The following SFMBT1 variants were observed in gnomAD, a reference collection of about 807,000 sequenced individuals.
SFMBT1 encodes Scm like with four mbt domains 1.
SFMBT1 carries 32 observed loss-of-function variants against 108.7 expected under a neutral mutation model. That is an observed-to-expected ratio of 0.29 (90% CI 0.22 to 0.40). The LOEUF (loss-of-function observed/expected upper bound fraction) is 0.40. Among genes scored for constraint, SFMBT1 ranks in the 10% least tolerant of loss-of-function variants. SFMBT1 has a pLI of 1.00. For missense variants in SFMBT1, 816 were observed against 1,059.6 expected (o/e 0.77, Z 3.19); for synonymous variants, 348 against 369.5 (o/e 0.94, Z 0.67).
rs1313812928 is a variant in SFMBT1, at chr3:53,034,348, G to A, written c.-131+11468C>T. Among the ~76,000 whole-genome samples, 11 of 152,006 alleles carry A rather than the reference G, an allele frequency of 7.2e-5. 1 individual carries two copies. Among genetic ancestry groups the A allele is most frequent in the Admixed American group, 1.3e-4 (2 of 15,270 alleles). The stretch of plus-strand genomic sequence containing the variant: ...TCCCAACACTGTGGGAGGCCCAGGC[G>A]GGCAGATCACTTGAGGTCAGGAGTT... On this transcript the variant is annotated intron_variant, in intron 1 of 20. Coordinates refer to ENST00000394752, the MANE Select transcript of SFMBT1 (RefSeq NM_016329.4).
intron 4 of SFMBT1, 87 bp downstream of exon 4, chr3:52,943,266 G>C (rs1426955435): frequency 4.5e-6 from 7 of 1,542,694 alleles, no homozygotes; most frequent in Non-Finnish European, 6.2e-6. Flanking sequence ...CTATATGCTC[G>C]AGAGACTTAA....
At chr3:52,912,730 G>T in intron 15 of SFMBT1, 83 bp from the exon 16 acceptor site, 1 of 1,018,050 alleles carries the variant, frequency 9.8e-7, no homozygotes, top group South Asian at 1.3e-5. Flanking sequence ...TCCTTAAAAT[G>T]TTAAGATTAT....
At chr3:52,928,380 A>G in intron 8 of SFMBT1, 39 bp from the exon 9 acceptor site, 1 of 1,602,026 alleles carries the variant, frequency 6.2e-7, no homozygotes, top group Non-Finnish European at 8.5e-7. Flanking sequence ...ACAAATGCAC[A>G]CATATATATG....
At chr3:52,952,788 C>T (rs1017815747) in intron 3 of SFMBT1, among the ~76,000 whole-genome samples, 9 of 152,122 alleles carry the variant, frequency 5.9e-5, no homozygotes, top group Non-Finnish European at 1.2e-4. Context: ...TTCATACCAA[C>T]GCAATGGGGA....
intron 1 of SFMBT1, among the ~76,000 whole-genome samples, chr3:52,992,097 T>G (rs956963482): frequency 3.3e-5 from 5 of 152,222 alleles, no homozygotes; most frequent in Non-Finnish European, 5.9e-5. Context: ...CTTAACCTGC[T>G]GCAAAGTCCC....
At chr3:53,043,187 C>T (rs546612965) in intron 1 of SFMBT1, 2 of 151,948 alleles carry the variant, frequency 1.3e-5, no homozygotes, top group Admixed American at 6.6e-5. Flanking sequence ...CACAAGACGA[C>T]ATTGGTGAAG....
At chr3:52,913,388 C>A in intron 15 of SFMBT1, 90 bp downstream of exon 15, 1 of 1,468,290 alleles carries the variant, frequency 6.8e-7, no homozygotes, top group South Asian at 1.4e-5. Flanking sequence ...CTAGAACTGT[C>A]ACATCTATGG....
intron 1 of SFMBT1, among the ~76,000 whole-genome samples, chr3:52,991,569 A>C (rs2564936): frequency 0.35 from 53,238 of 151,662 alleles, 10,353 homozygotes; most frequent in East Asian, 0.54. Flanking sequence ...GTCTCGAACT[A>C]CTGACCTCAG....
intron 1 of SFMBT1, among the ~76,000 whole-genome samples, chr3:52,994,492 T>C (rs953978223): frequency 1.3e-4 from 19 of 149,778 alleles, no homozygotes; most frequent in Non-Finnish European, 2.5e-4. Flanking sequence ...ACAGAGAAGT[T>C]AGAGGAACAT....
In SFMBT1 at chr3:52,980,853, T is replaced by C. The variant is rs148205511; in HGVS notation, c.-130-11595A>G. On this transcript the variant is annotated intron_variant, in intron 1 of 20. Transcript: ENST00000394752. ...GATTTGAGAAAAAGCAAAGTCATTA[T>C]ATGACAAAGCAAAAGAAAGGTGAAG... 5.9e-4 allele frequency among the ~76,000 whole-genome samples: 90 copies of C among 152,314 alleles called. 1 individual carries two copies. Among genetic ancestry groups the C allele is most frequent in the Admixed American group, 2.1e-3 (32 of 15,290 alleles).
chr3:53,040,342 A>C (rs1425478048), intron 1 of SFMBT1, among the ~76,000 whole-genome samples: 1 of 152,216 alleles, frequency 6.6e-6, no homozygotes, highest in African/African-American at 2.4e-5. Flanking sequence ...ATCAGCAAGA[A>C]AAACTCCTGA....
chr3:53,024,241 G>A (rs1350533023), intron 1 of SFMBT1, among the ~76,000 whole-genome samples: 1 of 152,176 alleles, frequency 6.6e-6, no homozygotes, highest in Non-Finnish European at 1.5e-5. Context: ...GGAGGTGGGT[G>A]GTTAGAGCCT....
chr3:53,031,423 A>G (rs1315025287), intron 1 of SFMBT1, among the ~76,000 whole-genome samples: 1 of 152,242 alleles, frequency 6.6e-6, no homozygotes, highest in Non-Finnish European at 1.5e-5. Flanking sequence ...AAAGATGCTC[A>G]GTTATCTCGG....
chr3:52,962,510 T>A (rs762790962), intron 2 of SFMBT1, among the ~76,000 whole-genome samples: 7 of 151,982 alleles, frequency 4.6e-5, no homozygotes, highest in Non-Finnish European at 8.8e-5. Context: ...ATTTTTTGTA[T>A]AAGATGGGAG....
intron 2 of SFMBT1, among the ~76,000 whole-genome samples, chr3:52,959,548 C>T (rs1703892390): frequency 6.6e-6 from 1 of 152,208 alleles, no homozygotes; most frequent in African/African-American, 2.4e-5. Flanking sequence ...AAACCCTCTA[C>T]ATTTGCTATC....
At chr3:53,013,506 A>G (rs1041236342) in intron 1 of SFMBT1, among the ~76,000 whole-genome samples, 1 of 150,394 alleles carries the variant, frequency 6.6e-6, no homozygotes, top group East Asian at 1.9e-4. Flanking sequence ...AATGATTACT[A>G]TATTTGCTCT....
At chr3:52,949,834 C>A (rs768666628) in intron 3 of SFMBT1, among the ~76,000 whole-genome samples, 1 of 152,084 alleles carries the variant, frequency 6.6e-6, no homozygotes, top group Non-Finnish European at 1.5e-5. Flanking sequence ...TCATCTCGGC[C>A]TCCCAAAGTG....
intron 3 of SFMBT1, among the ~76,000 whole-genome samples, chr3:52,952,899 G>C (rs1458005404): frequency 3.9e-5 from 6 of 152,166 alleles, no homozygotes; most frequent in Admixed American, 2.6e-4. Context: ...TTTAAGAAGA[G>C]ACACCACAGA....
chr3:53,002,598 C>T (rs1559545182), intron 1 of SFMBT1, among the ~76,000 whole-genome samples: 1 of 149,748 alleles, frequency 6.7e-6, no homozygotes, highest in Non-Finnish European at 1.5e-5. Context: ...TAATGAATAA[C>T]GAGCAAAAGT....
Sources: allele counts gnomAD v4.1 joint callset (sites outside exome capture counted in the v4.1 genomes callset), GRCh38; gene constraint gnomAD v4.1.1; transcripts MANE v1.5; gene names NCBI Gene and HGNC (gene_info 2026-07-23, HGNC 2026-07-21).